WDR44: variants seen among roughly 807,000 people sequenced by gnomAD.
WDR44 encodes WD repeat-containing protein 44.
A neutral mutation model predicts 65.7 loss-of-function variants in WDR44; 9 were observed. The ratio of observed to expected loss-of-function variants is 0.14; its 90% confidence interval spans 0.08 to 0.24. The LOEUF (loss-of-function observed/expected upper bound fraction) is 0.24. WDR44 is among the 10% of genes least tolerant of loss of function. The pLI is 1.00. For missense variants in WDR44, 425 were observed against 670.9 expected (o/e 0.63, Z 4.05); for synonymous variants, 220 against 235.2 (o/e 0.94, Z 0.59).
chrX:118,374,260 T>G (rs898270345), intron 1 of WDR44, among the ~76,000 whole-genome samples: 1 of 111,857 alleles, frequency 8.9e-6, no homozygotes, highest in African/African-American at 3.3e-5. Context: ...TTTTATTGCT[T>G]CTTAGGGTGA....
intron 12 of WDR44, among the ~76,000 whole-genome samples, chrX:118,415,419 C>CT (rs1219253858): frequency 8.9e-6 from 1 of 111,743 alleles, no homozygotes; most frequent in East Asian, 2.8e-4. Context: ...AGGATTCCCT[C>CT]TTTTTCTATC....
At chrX:118,349,476 G>T (rs779484382) in intron 1 of WDR44, among the ~76,000 whole-genome samples, 2 of 109,968 alleles carry the variant, frequency 1.8e-5, no homozygotes, top group Non-Finnish European at 3.8e-5. Flanking sequence ...AGTCTCCCAG[G>T]GCGCTGGGAT....
rs979101552 is a variant in WDR44, at chrX:118,446,040, A to G, written c.2647+1546A>G. ...GGAGACTCCATCTCAAAAAAGAAAA[A>G]AAAAAAAAAAAAAGACCAAGGTGAG... On this transcript the variant is annotated intron_variant, in intron 19 of 19. Coordinates refer to ENST00000254029, the MANE Select transcript of WDR44 (RefSeq NM_019045.5). Among the ~76,000 whole-genome samples the G allele has an allele frequency of 6.5e-5, 7 of 108,190 alleles. No individual in the cohort carries two copies. In the South Asian group the frequency reaches 1.2e-3, roughly 19 times the overall value. 93.9% of individuals were successfully genotyped at this position (108,190 alleles called of 115,157 possible).
At chrX:118,448,010 A>G (rs750451976) in intron 19 of WDR44, among the ~76,000 whole-genome samples, 11 of 106,630 alleles carry the variant, frequency 1.0e-4, no homozygotes, top group Non-Finnish European at 1.9e-4. Context: ...AGCATTTTAT[A>G]TGTATGGTGA....
chrX:118,351,446 C>T (rs933130289), intron 1 of WDR44, among the ~76,000 whole-genome samples: 2 of 111,833 alleles, frequency 1.8e-5, no homozygotes, highest in African/African-American at 6.5e-5. Flanking sequence ...TTAAAAAATA[C>T]CTGTGCAATA....
At chrX:118,352,352 ATTTTTTTT>A (rs556374639) in intron 1 of WDR44, among the ~76,000 whole-genome samples, 430 of 14,154 alleles carry the variant, frequency 0.03, 16 homozygotes, top group African/African-American at 0.15. Context: ...ATATATATAT[ATTTTTTTT>A]TTTTTTTTTT....
At chrX:118,384,338 G>C (rs1043611291) in intron 2 of WDR44, among the ~76,000 whole-genome samples, 1 of 111,651 alleles carries the variant, frequency 9.0e-6, no homozygotes, top group Non-Finnish European at 1.9e-5. Context: ...ACAGGGAAGA[G>C]ACAAAAAATA....
chrX:118,378,490 T>G, intron 2 of WDR44, 38 bp downstream of exon 2: 1 of 1,147,750 alleles, frequency 8.7e-7, no homozygotes, highest in Non-Finnish European at 1.2e-6. Flanking sequence ...TTTTAGAAAT[T>G]GTATACTTTT....
At chrX:118,407,127 G>A in intron 10 of WDR44, 101 bp downstream of exon 10, 1 of 834,971 alleles carries the variant, frequency 1.2e-6, no homozygotes, top group Admixed American at 3.0e-5. Flanking sequence ...AACTTTGCTA[G>A]CCTGACTCAA....
At chrX:118,374,183 G>A (rs981137098) in intron 1 of WDR44, among the ~76,000 whole-genome samples, 27 of 108,623 alleles carry the variant, frequency 2.5e-4, no homozygotes, top group Admixed American at 1.3e-3. Context: ...GTGAGAATAT[G>A]CGGTGCTTTA....
At chrX:118,408,217 A>C (rs1027760093) in intron 10 of WDR44, among the ~76,000 whole-genome samples, 4 of 110,810 alleles carry the variant, frequency 3.6e-5, no homozygotes, top group Non-Finnish European at 5.7e-5. Context: ...TATTTCTTGT[A>C]ATAAGATTTG....
intron 8 of WDR44, among the ~76,000 whole-genome samples, chrX:118,400,101 C>CA (rs57505854): frequency 6.6e-4 from 66 of 100,069 alleles, no homozygotes; most frequent in Middle Eastern, 0.01. Flanking sequence ...CACCCCCCAC[C>CA]AAAAAAAAAA....
At chrX:118,368,900 G>C (rs1286525257) in intron 1 of WDR44, among the ~76,000 whole-genome samples, 1 of 104,703 alleles carries the variant, frequency 9.6e-6, no homozygotes, top group African/African-American at 3.5e-5. Flanking sequence ...TTTTCTTTTT[G>C]TATTTTTAGT....
intron 12 of WDR44, among the ~76,000 whole-genome samples, chrX:118,426,871 A>G (rs1866727813): frequency 8.9e-6 from 1 of 112,039 alleles, no homozygotes; most frequent in Admixed American, 9.5e-5. Flanking sequence ...GATAAGTAAG[A>G]AGATTCTCAT....
At chrX:118,373,020 C>T (rs2056627898) in intron 1 of WDR44, among the ~76,000 whole-genome samples, 1 of 110,411 alleles carries the variant, frequency 9.1e-6, no homozygotes, top group African/African-American at 3.3e-5. Flanking sequence ...ACCTGGGAGG[C>T]GGGGGTTGCA....
chrX:118,435,076 GTTTA>G (rs1449478028), intron 13 of WDR44, among the ~76,000 whole-genome samples: 2 of 110,805 alleles, frequency 1.8e-5, no homozygotes, highest in Admixed American at 9.7e-5. Context: ...ATTTAATTTC[GTTTA>G]TTTAATAAAA....
At chrX:118,436,608 T>C (rs2057257209) in intron 13 of WDR44, 94 bp from the exon 14 acceptor site, 1 of 949,805 alleles carries the variant, frequency 1.1e-6, no homozygotes, top group Non-Finnish European at 1.5e-6. Flanking sequence ...ATAACAAAAC[T>C]GTTGAGATAC....
chrX:118,365,404 G>C lies in WDR44; in HGVS notation c.78-13015G>C, dbSNP rs536504034. On this transcript the variant is annotated intron_variant, in intron 1 of 19. Coordinates refer to ENST00000254029, the MANE Select transcript of WDR44 (RefSeq NM_019045.5). ...CACCTGTAATCCCAGCACTTTGGGA[G>C]GCTGAGGCAGAAAGATTGCTTGAGC... Among the ~76,000 whole-genome samples, 5 of 111,061 alleles carry C rather than the reference G, an allele frequency of 4.5e-5. No individual in the cohort carries two copies. The South Asian group carries it at 1.9e-3, about 43-fold the overall frequency.
At chrX:118,361,831 G>A (rs1384570285) in intron 1 of WDR44, among the ~76,000 whole-genome samples, 1 of 112,092 alleles carries the variant, frequency 8.9e-6, no homozygotes, top group Non-Finnish European at 1.9e-5. Flanking sequence ...TACCACATGA[G>A]TGCTGAAGAT....
Sources: allele counts gnomAD v4.1 joint callset (sites outside exome capture counted in the v4.1 genomes callset), GRCh38; gene constraint gnomAD v4.1.1; transcripts MANE v1.5; gene names NCBI Gene and HGNC (gene_info 2026-07-23, HGNC 2026-07-21).